The following XYLT1 variants were observed in gnomAD, a reference collection of about 807,000 sequenced individuals.
XYLT1 encodes the protein xylosyltransferase 1, also known as beta-D-xylosyltransferase 1.
Under a neutral mutation model 91.3 loss-of-function variants are expected in XYLT1, and 36 were observed. The ratio of observed to expected loss-of-function variants is 0.39; its 90% CI spans 0.30 to 0.52. The LOEUF (loss-of-function observed/expected upper bound fraction) is 0.52. Among genes scored for constraint, XYLT1 ranks in the 20% least tolerant of loss-of-function variants. XYLT1 has a pLI of 0.68. For missense variants in XYLT1, 1,242 were observed against 1,284.5 expected (o/e 0.97, Z 0.51); for synonymous variants, 588 against 532.0 (o/e 1.11, Z -1.45).
intron 2 of XYLT1, among the ~76,000 whole-genome samples, chr16:17,304,880 T>C (rs2034449016): frequency 6.6e-6 from 1 of 152,172 alleles, no homozygotes; most frequent in Admixed American, 6.5e-5. Flanking sequence ...GATAGTAAAA[T>C]TTAACACTAC....
intron 3 of XYLT1, among the ~76,000 whole-genome samples, chr16:17,225,624 T>A (rs931858915): frequency 6.6e-6 from 1 of 152,130 alleles, no homozygotes; most frequent in African/African-American, 2.4e-5. Context: ...AAAACCCAAT[T>A]TTCTTTTAGT....
chr16:17,138,692 C>CAGAACTGCAAGCCAAA, intron 7 of XYLT1, 161 bp from the exon 8 acceptor site: 1 of 708,786 alleles, frequency 1.4e-6, no homozygotes. Flanking sequence ...GTACAGCTTG[C>CAGAACTGCAAGCCAAA]AGAACTGCAA....
chr16:17,207,537 G>C (rs1396271398), intron 3 of XYLT1, among the ~76,000 whole-genome samples: 1 of 152,182 alleles, frequency 6.6e-6, no homozygotes, highest in African/African-American at 2.4e-5. Context: ...CCACATACAG[G>C]GTCCCGGTGG....
intron 2 of XYLT1, among the ~76,000 whole-genome samples, chr16:17,311,952 G>A (rs773970576): frequency 6.6e-6 from 1 of 152,104 alleles, no homozygotes; most frequent in Non-Finnish European, 1.5e-5. Flanking sequence ...CGATGATTCA[G>A]TTATCTCCCA....
intron 3 of XYLT1, among the ~76,000 whole-genome samples, chr16:17,252,761 G>A (rs1057439468): frequency 1.3e-5 from 2 of 152,138 alleles, no homozygotes; most frequent in Admixed American, 6.5e-5. Context: ...AGGAGTGGGG[G>A]CGCTGTACCA....
intron 1 of XYLT1, among the ~76,000 whole-genome samples, chr16:17,422,182 C>A (rs2036258863): frequency 6.6e-6 from 1 of 151,686 alleles, no homozygotes; most frequent in East Asian, 2.0e-4. Context: ...CGGGGTTTCA[C>A]CATGATGTCT....
rs369372863 is a variant in XYLT1, at chr16:17,439,193, A to C, written c.363+31241T>G. ...GGCAGGCACATGGCATACGTGGCAC[A>C]ATTTCTTCCTCCTGCATCCATGGTG... On this transcript the variant is annotated intron_variant, in intron 1 of 11. Transcript: ENST00000261381. Among the ~76,000 whole-genome samples, 6 of 152,324 alleles carry C rather than the reference A, an allele frequency of 3.9e-5. No homozygotes were observed. In the East Asian group the frequency reaches 5.8e-4, roughly 15 times the overall value.
At chr16:17,221,688 A>G (rs1022297467) in intron 3 of XYLT1, among the ~76,000 whole-genome samples, 8 of 152,250 alleles carry the variant, frequency 5.3e-5, no homozygotes, top group Middle Eastern at 3.4e-3. Context: ...GCAGTGAGCT[A>G]TGATCACGCC....
chr16:17,132,658 TTAGGGAGGCTGA>T (rs1362333379), intron 9 of XYLT1, among the ~76,000 whole-genome samples: 3 of 152,256 alleles, frequency 2.0e-5, no homozygotes, highest in African/African-American at 2.4e-5. Flanking sequence ...ATCTCAGCAC[TTAGGGAGGCTGA>T]AGCGGGAGGA....
At chr16:17,292,012 C>T (rs2034234571) in intron 2 of XYLT1, among the ~76,000 whole-genome samples, 1 of 151,840 alleles carries the variant, frequency 6.6e-6, no homozygotes, top group African/African-American at 2.4e-5. Flanking sequence ...CATGGCAAAA[C>T]ATCGTCTCTA....
At chr16:17,444,151 C>T (rs1242458313) in intron 1 of XYLT1, among the ~76,000 whole-genome samples, 2 of 152,164 alleles carry the variant, frequency 1.3e-5, no homozygotes, top group South Asian at 2.1e-4. Context: ...GGTGTAAGTG[C>T]GAATATCACC....
chr16:17,136,017 T>C (rs188449058), intron 8 of XYLT1, among the ~76,000 whole-genome samples: 3 of 152,316 alleles, frequency 2.0e-5, no homozygotes, highest in African/African-American at 7.2e-5. Flanking sequence ...CTTGAGGAGC[T>C]TATTATTGTC....
chr16:17,441,474 G>C (rs769881957), intron 1 of XYLT1, among the ~76,000 whole-genome samples: 3 of 152,132 alleles, frequency 2.0e-5, no homozygotes, highest in Non-Finnish European at 2.9e-5. Context: ...ACAGGCAGTG[G>C]AGCCAAGAAG....
At chr16:17,311,795 A>C (rs1179134827) in intron 2 of XYLT1, among the ~76,000 whole-genome samples, 3 of 92,772 alleles carry the variant, frequency 3.2e-5, no homozygotes, top group Admixed American at 1.1e-4. Context: ...GAGGCCGCAC[A>C]ATCATGGTGG....
rs2030973075 is a variant in XYLT1 at position 17,141,478 on chromosome 16, G to A, written c.1371-109C>T. On this transcript the variant is annotated intron_variant, in intron 6 of 11. Coordinates refer to ENST00000261381, the MANE Select transcript of XYLT1 (RefSeq NM_022166.4). ...ATAGCGATGATGGCAATTATTGAGT[G>A]CCTGCTGTGTGCCAGGTACTGCTCC... The A allele has an allele frequency of 7.3e-6, 8 of 1,097,016 alleles. No individual in the cohort carries two copies. In the East Asian group the frequency reaches 1.3e-4, roughly 18 times the overall value. 68.0% of individuals were successfully genotyped at this position (1,097,016 alleles called of 1,614,324 possible).
intron 3 of XYLT1, among the ~76,000 whole-genome samples, chr16:17,231,795 C>A (rs537171912): frequency 2.7e-4 from 41 of 152,072 alleles, no homozygotes; most frequent in African/African-American, 7.5e-4. Context: ...AAATGGTACA[C>A]CTATATAAGA....
At chr16:17,409,154 C>G (rs941009330) in intron 1 of XYLT1, among the ~76,000 whole-genome samples, 1 of 152,198 alleles carries the variant, frequency 6.6e-6, no homozygotes, top group Non-Finnish European at 1.5e-5. Flanking sequence ...GTACCAGAAC[C>G]TCCTCCTTCG....
intron 2 of XYLT1, among the ~76,000 whole-genome samples, chr16:17,339,889 CATCCATCCATCACCT>C (rs1054281643): frequency 5.3e-5 from 8 of 150,410 alleles, no homozygotes; most frequent in African/African-American, 1.5e-4. Context: ...TATCCATCAT[CATCCATCCATCACCT>C]ATCCATCCAT....
At chr16:17,350,635 C>G (rs1477992147) in intron 2 of XYLT1, among the ~76,000 whole-genome samples, 4 of 152,086 alleles carry the variant, frequency 2.6e-5, no homozygotes, top group African/African-American at 4.8e-5. Flanking sequence ...AGGAGGCTGA[C>G]GGGGGAAAAA....
Sources: allele counts gnomAD v4.1 joint callset (sites outside exome capture counted in the v4.1 genomes callset), GRCh38; gene constraint gnomAD v4.1.1; transcripts MANE v1.5; gene names NCBI Gene and HGNC (gene_info 2026-07-23, HGNC 2026-07-21).